The following NKAIN2 variants were observed in gnomAD, a reference collection of about 807,000 sequenced individuals.
NKAIN2 encodes the protein sodium/potassium transporting ATPase interacting 2.
Under a neutral mutation model 32.6 loss-of-function variants are expected in NKAIN2, and 14 were observed. That is an observed-to-expected ratio of 0.43 (90% CI 0.28 to 0.67). The LOEUF is 0.67. NKAIN2 is among the 30% of genes least tolerant of loss of function. The pLI is 0.17. For synonymous variants in NKAIN2, 80 were observed against 87.2 expected (o/e 0.92, Z 0.46); for missense variants, 198 against 258.3 (o/e 0.77, Z 1.60).
At chr6:124,532,498 G>C (rs1289466450) in intron 3 of NKAIN2, among the ~76,000 whole-genome samples, 1 of 152,122 alleles carries the variant, frequency 6.6e-6, no homozygotes, top group Non-Finnish European at 1.5e-5. Flanking sequence ...AGACAGTGGG[G>C]GAAGTACCAT....
chr6:124,681,131 C>T (rs1043927803), intron 4 of NKAIN2, among the ~76,000 whole-genome samples: 15 of 151,844 alleles, frequency 9.9e-5, no homozygotes, highest in African/African-American at 3.6e-4. Flanking sequence ...AGGGTTAGGA[C>T]GATAAGCACT....
intron 1 of NKAIN2, among the ~76,000 whole-genome samples, chr6:124,059,936 T>C (rs1782846563): frequency 6.6e-6 from 1 of 152,182 alleles, no homozygotes; most frequent in African/African-American, 2.4e-5. Context: ...AGAAGCAGAG[T>C]ACCTTGTGAA....
chr6:123,853,322 C>T (rs4895926), intron 1 of NKAIN2, among the ~76,000 whole-genome samples: 146,942 of 152,284 alleles, frequency 0.96, 71,014 homozygotes, highest in Non-Finnish European at 0.99. Context: ...AATGCATTTT[C>T]TATACATAAT....
chr6:124,000,572 C>T (rs1326716941), intron 1 of NKAIN2, among the ~76,000 whole-genome samples: 2 of 151,952 alleles, frequency 1.3e-5, no homozygotes, highest in Non-Finnish European at 2.9e-5. Flanking sequence ...ATCTCTTCTG[C>T]CTTTTATTTT....
chr6:124,759,924 A>G (rs1395531136), intron 4 of NKAIN2, among the ~76,000 whole-genome samples: 1 of 151,938 alleles, frequency 6.6e-6, no homozygotes, highest in Non-Finnish European at 1.5e-5. Context: ...ACGCTTAGAC[A>G]AAGGTGAACA....
At chr6:124,604,407 G>T (rs1158516261) in intron 3 of NKAIN2, among the ~76,000 whole-genome samples, 1 of 151,718 alleles carries the variant, frequency 6.6e-6, no homozygotes, top group Admixed American at 6.6e-5. Flanking sequence ...CTACATATTT[G>T]GGTTGACTTA....
At chr6:124,284,947 A>G (rs1582989041) in intron 2 of NKAIN2, among the ~76,000 whole-genome samples, 1 of 152,222 alleles carries the variant, frequency 6.6e-6, no homozygotes, top group Middle Eastern at 3.4e-3. Context: ...TCAAATTATT[A>G]TCTCATCCTT....
At chr6:123,991,866 A>ATG (rs1371694780) in intron 1 of NKAIN2, among the ~76,000 whole-genome samples, 1 of 151,706 alleles carries the variant, frequency 6.6e-6, no homozygotes, top group African/African-American at 2.4e-5. Flanking sequence ...TCTGTCTCAA[A>ATG]TGTGTGTGTG....
At chr6:124,308,195 T>C (rs1796585174) in intron 2 of NKAIN2, among the ~76,000 whole-genome samples, 2 of 146,382 alleles carry the variant, frequency 1.4e-5, no homozygotes, top group East Asian at 4.3e-4. Flanking sequence ...CCTGTAACCA[T>C]GTGTTCTCAT....
At chr6:123,870,231 GA>G (rs1351719323) in intron 1 of NKAIN2, among the ~76,000 whole-genome samples, 1 of 152,160 alleles carries the variant, frequency 6.6e-6, no homozygotes, top group Admixed American at 6.5e-5. Context: ...TTCAAATGGT[GA>G]AGTACTATGG....
intron 2 of NKAIN2, among the ~76,000 whole-genome samples, chr6:124,308,915 C>T (rs1016784974): frequency 6.6e-6 from 1 of 152,010 alleles, no homozygotes; most frequent in Admixed American, 6.6e-5. Context: ...CAGTTAAACC[C>T]ATTGTAACAA....
chr6:124,230,034 G>A (rs957215104), intron 1 of NKAIN2, among the ~76,000 whole-genome samples: 2 of 152,066 alleles, frequency 1.3e-5, no homozygotes, highest in Non-Finnish European at 2.9e-5. Context: ...GGAAAATGTG[G>A]GAAAATTTGG....
At chr6:124,201,390 A>T (rs954307842) in intron 1 of NKAIN2, among the ~76,000 whole-genome samples, 1 of 152,044 alleles carries the variant, frequency 6.6e-6, no homozygotes, top group African/African-American at 2.4e-5. Flanking sequence ...ATCCTTTAGC[A>T]TTAAAATTCA....
chr6:124,492,054 T>C (rs1297813104), intron 3 of NKAIN2, among the ~76,000 whole-genome samples: 3 of 151,960 alleles, frequency 2.0e-5, no homozygotes, highest in East Asian at 1.9e-4. Context: ...ATCAGTAAAA[T>C]TGTAAGAGAA....
At chr6:124,531,051 GATATCCCTTA>G (rs1311689661) in intron 3 of NKAIN2, among the ~76,000 whole-genome samples, 1 of 152,098 alleles carries the variant, frequency 6.6e-6, no homozygotes, top group African/African-American at 2.4e-5. Flanking sequence ...CAGCTATCTG[GATATCCCTTA>G]ATCTAGTCAA....
In NKAIN2 at chr6:124,623,469, CAGAAA is replaced by C. The variant is rs755805549; in HGVS notation, c.274-34709_274-34705del. On this transcript the variant is annotated intron_variant, in intron 3 of 6. Transcript: ENST00000368417. Reference sequence around the variant, plus strand: ...TTAAAAATGTAAGTATGAAAATAAACAGAAAAGAAAAGGCATAGTTCCACAGATCT... The same window carrying C: ...TTAAAAATGTAAGTATGAAAATAAACAGAAAAGGCATAGTTCCACAGATCT... 3.3e-5 allele frequency among the ~76,000 whole-genome samples: 5 copies of C among 152,144 alleles called. No individual in the cohort carries two copies. In the South Asian group the frequency reaches 8.3e-4, roughly 25 times the overall value.
intron 1 of NKAIN2, among the ~76,000 whole-genome samples, chr6:124,185,334 G>C (rs1231583106): frequency 6.6e-6 from 1 of 152,082 alleles, no homozygotes; most frequent in East Asian, 1.9e-4. Context: ...TGATTCTTTG[G>C]TGAATTCTAC....
At chr6:123,861,568 T>C (rs913698042) in intron 1 of NKAIN2, among the ~76,000 whole-genome samples, 1 of 152,174 alleles carries the variant, frequency 6.6e-6, no homozygotes, top group Non-Finnish European at 1.5e-5. Flanking sequence ...TACTAAATTT[T>C]ATTGAGAGTC....
intron 1 of NKAIN2, among the ~76,000 whole-genome samples, chr6:124,250,012 A>G (rs1283225619): frequency 1.3e-5 from 2 of 152,116 alleles, no homozygotes; most frequent in African/African-American, 2.4e-5. Flanking sequence ...CCAATCTCCA[A>G]TGTGAGGACA....
Sources: allele counts gnomAD v4.1 joint callset (sites outside exome capture counted in the v4.1 genomes callset), GRCh38; gene constraint gnomAD v4.1.1; transcripts MANE v1.5; gene names NCBI Gene and HGNC (gene_info 2026-07-23, HGNC 2026-07-21).